Variants in VTI1B observed in about 807,000 individuals in gnomAD.
VTI1B encodes the protein vesicle transport through interaction with t-SNAREs homolog 1B.
A neutral mutation model predicts 28.6 loss-of-function variants in VTI1B; 18 were observed. The observed-to-expected ratio is 0.63, with a 90% confidence interval of 0.43 to 0.93. VTI1B has a LOEUF of 0.93. Among genes scored for constraint, VTI1B ranks in the 40% least tolerant of loss-of-function variants. The probability of loss-of-function intolerance (pLI) is 0.00; values close to 1 mark genes in which losing one functional copy is unlikely to be tolerated. For missense variants in VTI1B, 283 were observed against 297.0 expected, an observed-to-expected ratio of 0.95 and a Z score of 0.35; for synonymous variants, 100 against 107.9, an observed-to-expected ratio of 0.93 and a Z score of 0.46.
chr14:67,663,182 T>C, intron 1 of VTI1B: 1 of 1,529,646 alleles, frequency 6.5e-7, no homozygotes, highest in Non-Finnish European at 8.8e-7. Context: ...TAAAAATTAC[T>C]AATCTCCCCT....
chr14:67,660,963 A>G (rs2037326367), intron 2 of VTI1B, among the ~76,000 whole-genome samples: 1 of 152,250 alleles, frequency 6.6e-6, no homozygotes. Flanking sequence ...GGAAGAAGAT[A>G]GTTCCCACAG....
At position 67,674,595 on chromosome 14, in the gene VTI1B, C is replaced by T. The variant is rs2037511547; in HGVS notation, c.-106G>A. 2.3e-6 allele frequency: 2 copies of T among 884,482 alleles called. No homozygotes were observed. The highest frequency in any genetic ancestry group is 3.5e-5 in the Admixed American group (1 of 28,328). The allele number at this position is 884,482 out of a possible 1,614,324, so 54.8% of individuals were successfully genotyped here. The stretch of plus-strand genomic sequence containing the variant: ...CCAGTGGCCATAACGGCGACCGCCG[C>T]ACCACCGCCGCCCAGGACGAGGCTC... On this transcript the variant is annotated 5_prime_UTR_variant, in exon 1 of 6. Coordinates refer to ENST00000554659, the MANE Select transcript of VTI1B (RefSeq NM_006370.3).
intron 1 of VTI1B, among the ~76,000 whole-genome samples, chr14:67,672,137 T>G (rs867174260): frequency 4.2e-4 from 64 of 151,970 alleles, no homozygotes; most frequent in Admixed American, 1.7e-3. Context: ...TTTTTTTTTT[T>G]TGGGAGAGTC....
rs144197626 is a variant in VTI1B at position 67,651,435 on chromosome 14, G to A, written c.649C>T (p.Leu217Phe). ...LLLSIIILLE[L>F]AILGGLVYYK... ...TAAACCAGGCCTCCCAGGATGGCGAGCTCCAGTAAGATGATAATGGAAAGC... is the reference window on the plus strand; with the variant it reads ...TAAACCAGGCCTCCCAGGATGGCGAACTCCAGTAAGATGATAATGGAAAGC... The change falls in exon 6 of 6, where the codon CTC becomes TTC. Residue 217 changes from leucine (L) to phenylalanine (F), a missense_variant. Coordinates refer to ENST00000554659, the MANE Select transcript of VTI1B (RefSeq NM_006370.3). 1.3e-4 allele frequency: 203 copies of A among 1,614,034 alleles called. No homozygotes were observed. In the African/African-American group the frequency reaches 2.4e-3, roughly 19 times the overall value.
chr14:67,651,599 C>G, intron 5 of VTI1B, 118 bp from the exon 6 acceptor site: 2 of 1,141,152 alleles, frequency 1.8e-6, no homozygotes, highest in South Asian at 1.6e-5. Context: ...TTTGATCACA[C>G]AGCCACTTAG....
chr14:67,659,792 G>T lies in VTI1B; in HGVS notation c.305C>A (p.Ala102Asp). The change falls in exon 3 of 6, where the codon GCC becomes GAC. Residue 102 changes from alanine to aspartate, a missense_variant. Physicochemically the swap from Ala to Asp is moderately radical, Grantham distance 126. Coordinates refer to ENST00000554659, the MANE Select transcript of VTI1B (RefSeq NM_006370.3). ...HREVRSTPLT[A>D]TPGGRGDMKY... ...CATGTCTCCTCGGCCTCCAGGTGTG[G>T]CTGTCAAAGGTGTGCTTCTCACCTC... The T allele has an allele frequency of 6.2e-7, 1 of 1,614,094 alleles. No homozygotes were observed. The highest frequency in any genetic ancestry group is 8.5e-7 in the Non-Finnish European group (1 of 1,179,996).
intron 1 of VTI1B, among the ~76,000 whole-genome samples, chr14:67,664,689 G>A (rs1174860146): frequency 1.3e-5 from 2 of 152,032 alleles, no homozygotes; most frequent in African/African-American, 2.4e-5. Context: ...AATAAAGACA[G>A]GGTTTTGCCA....
rs1187473625 is a variant in VTI1B at position 67,653,643 on chromosome 14, G to T, written c.541-145C>A. ...CCAATTTAAATGATGGCCTTTGAGT[G>T]TAAGTAGAAGAACCTGGAAAGGACA... is the stretch of plus-strand genomic sequence containing the variant. On this transcript the variant is annotated intron_variant, in intron 4 of 5. Transcript: ENST00000554659. The T allele has an allele frequency of 1.2e-5, 8 of 660,666 alleles. No individual in the cohort carries two copies. The African/African-American group carries it at 1.3e-4, about 11-fold the overall frequency. 40.9% of individuals were successfully genotyped at this position (660,666 alleles called of 1,614,324 possible).
chr14:67,654,230 A>G (rs997533264), intron 4 of VTI1B, among the ~76,000 whole-genome samples: 4 of 152,184 alleles, frequency 2.6e-5, no homozygotes, highest in Non-Finnish European at 4.4e-5. Flanking sequence ...CATGTCCCCA[A>G]GTAGCTGGGA....
At chr14:67,652,090 T>C (rs907721049) in intron 5 of VTI1B, among the ~76,000 whole-genome samples, 8 of 152,116 alleles carry the variant, frequency 5.3e-5, no homozygotes, top group Non-Finnish European at 1.2e-4. Context: ...CATGAGTGGG[T>C]TGTAGTTTTG....
chr14:67,655,234 T>G (rs1371057063), intron 4 of VTI1B, among the ~76,000 whole-genome samples: 1 of 149,512 alleles, frequency 6.7e-6, no homozygotes, highest in East Asian at 2.0e-4. Flanking sequence ...CAGCTACACA[T>G]GAGGATCACT....
chr14:67,649,742 G>C lies in VTI1B; in HGVS notation c.*1643C>G, dbSNP rs1437499639. 6.6e-6 allele frequency: 1 copy of C among 152,144 alleles called. No individual in the cohort carries two copies. Among genetic ancestry groups the C allele is most frequent in the Non-Finnish European group, 1.5e-5 (1 of 68,030 alleles). The allele number at this position is 152,144 out of a possible 1,614,324, so 9.4% of individuals were successfully genotyped here. A position where few individuals can be genotyped will look rare whatever the true frequency, so the allele number is the denominator to read the frequency against. On this transcript the variant is annotated 3_prime_UTR_variant, in exon 6 of 6. Transcript: ENST00000554659. ...GACATGATGGCATTCAGCACATCATGTACTATAGTGTAATATCAATAAACC... is the reference window on the plus strand; with the variant it reads ...GACATGATGGCATTCAGCACATCATCTACTATAGTGTAATATCAATAAACC...
Position 67,648,933 on chromosome 14 carries a change from T to C in VTI1B, c.*2452A>G, listed in dbSNP as rs780025598. The C allele has an allele frequency of 6.6e-6, 1 of 152,230 alleles. No individual in the cohort carries two copies. Among genetic ancestry groups the C allele is most frequent in the African/African-American group, 2.4e-5 (1 of 41,454 alleles). 9.4% of individuals were successfully genotyped at this position (152,230 alleles called of 1,614,324 possible). ...CCCCAGATTGAAAGGTTCAGGGCTA[T>C]AGAGAACCCTTGACTAGCTGGGATA... On this transcript the variant is annotated 3_prime_UTR_variant, in exon 6 of 6. Transcript: ENST00000554659.
intron 1 of VTI1B, among the ~76,000 whole-genome samples, chr14:67,670,821 C>A (rs981838007): frequency 1.3e-5 from 2 of 152,154 alleles, no homozygotes; most frequent in African/African-American, 4.8e-5. Context: ...CCACCGTGCC[C>A]GGCCGTTTGT....
intron 4 of VTI1B, among the ~76,000 whole-genome samples, chr14:67,654,198 C>T (rs1022614235): frequency 2.6e-5 from 4 of 152,196 alleles, no homozygotes; most frequent in African/African-American, 9.7e-5. Flanking sequence ...CCTCGACCTC[C>T]CAGGCTCAAG....
intron 1 of VTI1B, among the ~76,000 whole-genome samples, chr14:67,663,922 A>G (rs1183319388): frequency 6.6e-6 from 1 of 152,172 alleles, no homozygotes; most frequent in Non-Finnish European, 1.5e-5. Flanking sequence ...TTCATTGACT[A>G]CAAAATGAGG....
intron 2 of VTI1B, among the ~76,000 whole-genome samples, chr14:67,662,173 C>CA (rs1397307839): frequency 9.0e-4 from 126 of 140,124 alleles, no homozygotes; most frequent in Middle Eastern, 3.6e-3. Flanking sequence ...ACAACAACAA[C>CA]AACAACAAAA....
chr14:67,648,785 A>G lies in VTI1B; in HGVS notation c.*2600T>C, dbSNP rs1266009293. On this transcript the variant is annotated 3_prime_UTR_variant, in exon 6 of 6. Coordinates refer to ENST00000554659, the MANE Select transcript of VTI1B (RefSeq NM_006370.3). The stretch of plus-strand genomic sequence containing the variant: ...TCATACTTGTTTGCAAACAGTTTCC[A>G]TTTCTGTCAGAAAGCTTCTGGTTTT... 2 of 152,214 alleles carry G rather than the reference A, an allele frequency of 1.3e-5. No homozygotes were observed. Among genetic ancestry groups the G allele is most frequent in the African/African-American group, 4.8e-5 (2 of 41,452 alleles). 9.4% of individuals were successfully genotyped at this position (152,214 alleles called of 1,614,324 possible). A position where few individuals can be genotyped will look rare whatever the true frequency, so the allele number is the denominator to read the frequency against.
In VTI1B at chr14:67,656,597, A is replaced by T; in HGVS notation, c.367-8T>A. On this transcript the variant is annotated splice_polypyrimidine_tract_variant and splice_region_variant and intron_variant, in intron 3 of 5. Coordinates refer to ENST00000554659, the MANE Select transcript of VTI1B (RefSeq NM_006370.3). The stretch of plus-strand genomic sequence containing the variant: ...TTGAGACTGTAGCCGATTCTGAAAG[A>T]AGTATGGAAGAGAAATGTTAGACTT... 1 of 1,592,934 alleles carries T rather than the reference A, an allele frequency of 6.3e-7. No homozygotes were observed. Among genetic ancestry groups the T allele is most frequent in the South Asian group, 1.1e-5 (1 of 88,446 alleles).
Sources: allele counts gnomAD v4.1 joint callset (sites outside exome capture counted in the v4.1 genomes callset), GRCh38; gene constraint gnomAD v4.1.1; transcripts MANE v1.5; gene names NCBI Gene and HGNC (gene_info 2026-07-23, HGNC 2026-07-21).